Variants in NTRK3 observed in about 807,000 individuals in gnomAD.
NTRK3 encodes the protein neurotrophic receptor tyrosine kinase 3.
NTRK3 carries 24 observed loss-of-function variants against 91.7 expected under a neutral mutation model. The ratio of observed to expected loss-of-function variants is 0.26; its 90% CI spans 0.19 to 0.37. NTRK3 has a LOEUF of 0.37. Ranked by LOEUF, NTRK3 falls within the 10% of genes least tolerant of loss-of-function variation. The pLI is 1.00. For missense variants in NTRK3, 880 were observed against 1,068.9 expected (o/e 0.82, Z 2.46); for synonymous variants, 483 against 404.0 (o/e 1.20, Z -2.34).
At chr15:88,102,323 C>CA (rs1423930058) in intron 13 of NTRK3, among the ~76,000 whole-genome samples, 5 of 151,574 alleles carry the variant, frequency 3.3e-5, no homozygotes, top group African/African-American at 1.2e-4. Flanking sequence ...TTAGTTATAC[C>CA]AAAAAAACAC....
At chr15:88,004,089 G>T (rs1156264201) in intron 14 of NTRK3, among the ~76,000 whole-genome samples, 1 of 152,068 alleles carries the variant, frequency 6.6e-6, no homozygotes, top group Non-Finnish European at 1.5e-5. Context: ...TTGATTCTAG[G>T]CTTTCCCTTA....
chr15:87,862,310 T>C, exon 19 of NTRK3: 1 of 224,544 alleles, frequency 4.5e-6, no homozygotes, highest in Middle Eastern at 1.4e-3. Flanking sequence ...GATCTGGCTC[T>C]GTCCTACTTT....
chr15:87,886,697 T>TATATATATATATATATATATATATATAC (rs1335887821), intron 17 of NTRK3, among the ~76,000 whole-genome samples: 22 of 135,860 alleles, frequency 1.6e-4, no homozygotes, highest in African/African-American at 5.2e-4. Flanking sequence ...TATATATATA[T>TATATATATATATATATATATATATATAC]ATACATATAT....
In NTRK3 at chr15:88,130,928, G is replaced by A. The variant is rs141307203; in HGVS notation, c.1205-2194C>T. 6.1e-3 allele frequency among the ~76,000 whole-genome samples: 924 copies of A among 152,302 alleles called. 13 individuals are homozygous for A. Among genetic ancestry groups the A allele is most frequent in the African/African-American group, 0.021 (879 of 41,558 alleles). On this transcript the variant is annotated intron_variant, in intron 10 of 18. Coordinates refer to ENST00000394480, the Ensembl canonical transcript of NTRK3. ...ACAACCTGGTTTCGATCATTGCATC[G>A]TGGTTAGGTAAGATGTTAACATCTG...
intron 13 of NTRK3, among the ~76,000 whole-genome samples, chr15:88,117,302 C>A (rs2052202237): frequency 6.6e-6 from 1 of 152,144 alleles, no homozygotes; most frequent in Admixed American, 6.5e-5. Context: ...CCTATGAAGT[C>A]TCTATATTTG....
intron 5 of NTRK3, among the ~76,000 whole-genome samples, chr15:88,152,031 T>C (rs2043427336): frequency 6.6e-6 from 1 of 152,200 alleles, no homozygotes; most frequent in Non-Finnish European, 1.5e-5. Context: ...CCGGGCGCCG[T>C]GGCTCACACC....
At chr15:88,075,707 G>A (rs776626088) in intron 13 of NTRK3, among the ~76,000 whole-genome samples, 7 of 152,208 alleles carry the variant, frequency 4.6e-5, no homozygotes, top group African/African-American at 1.2e-4. Flanking sequence ...CTCTTGCTTC[G>A]GTTCCATGAT....
intron 13 of NTRK3, among the ~76,000 whole-genome samples, chr15:88,065,721 C>T (rs1227663197): frequency 6.6e-6 from 1 of 152,182 alleles, no homozygotes; most frequent in Admixed American, 6.5e-5. Flanking sequence ...ATGGGAACCT[C>T]TCTTATGTAC....
At chr15:87,966,116 C>T (rs1038173602) in intron 14 of NTRK3, among the ~76,000 whole-genome samples, 2 of 150,904 alleles carry the variant, frequency 1.3e-5, no homozygotes, top group African/African-American at 2.4e-5. Context: ...ACAAAAAACT[C>T]CACTTGGGAA....
At chr15:87,950,928 G>A (rs776910347) in intron 14 of NTRK3, among the ~76,000 whole-genome samples, 1 of 152,200 alleles carries the variant, frequency 6.6e-6, no homozygotes, top group African/African-American at 2.4e-5. Flanking sequence ...CACAGTAGGT[G>A]CTCAATAGGC....
chr15:88,095,977 C>G (rs1406089464), intron 13 of NTRK3, among the ~76,000 whole-genome samples: 1 of 152,190 alleles, frequency 6.6e-6, no homozygotes. Flanking sequence ...AGCAGCCCAG[C>G]ATTCATTCCC....
chr15:87,978,964 C>A, intron 14 of NTRK3: 1 of 351,198 alleles, frequency 2.8e-6, no homozygotes. Context: ...GAGGCTGGAG[C>A]ACGGCTGGAC....
intron 13 of NTRK3, among the ~76,000 whole-genome samples, chr15:88,122,695 C>G (rs965677885): frequency 2.6e-5 from 4 of 151,978 alleles, no homozygotes; most frequent in Non-Finnish European, 5.9e-5. Context: ...GTAGGCCCTC[C>G]CTATCGATAC....
At chr15:87,914,184 T>C (rs1485966181) in intron 17 of NTRK3, among the ~76,000 whole-genome samples, 2 of 152,096 alleles carry the variant, frequency 1.3e-5, no homozygotes, top group African/African-American at 4.8e-5. Flanking sequence ...ACTAGCTCAC[T>C]GAGAACAAAT....
At chr15:88,091,245 T>A (rs1255229508) in intron 13 of NTRK3, among the ~76,000 whole-genome samples, 1 of 152,132 alleles carries the variant, frequency 6.6e-6, no homozygotes, top group African/African-American at 2.4e-5. Context: ...CCAGCAAAAA[T>A]GCTGGGAATT....
chr15:87,952,045 T>C (rs1168840978), intron 14 of NTRK3, among the ~76,000 whole-genome samples: 1 of 152,050 alleles, frequency 6.6e-6, no homozygotes, highest in Admixed American at 6.6e-5. Context: ...GAGAATCGCT[T>C]GAACTTGGGA....
intron 13 of NTRK3, among the ~76,000 whole-genome samples, chr15:88,101,475 T>G (rs1001192015): frequency 2.9e-4 from 44 of 152,362 alleles, no homozygotes; most frequent in African/African-American, 9.6e-4. Context: ...CTCAGGAATC[T>G]AGAACTAGAA....
rs2052260564 is a variant in NTRK3, at chr15:88,240,659, A to G, written c.248+15247T>C. On this transcript the variant is annotated intron_variant, in intron 3 of 18. Coordinates refer to ENST00000394480, the Ensembl canonical transcript of NTRK3. This position sits in a 1 kb window ranked among gnomAD's most constrained non-coding sequence, Gnocchi z 4.9. ...CTAGCAGAACCACCTAGGGCAAGCT[A>G]CTTAGCCACCCTGTGCCTCAGTTTT... 6.6e-6 allele frequency among the ~76,000 whole-genome samples: 1 copy of G among 152,190 alleles called. No homozygotes were observed. Among genetic ancestry groups the G allele is most frequent in the African/African-American group, 2.4e-5 (1 of 41,450 alleles).
intron 14 of NTRK3, among the ~76,000 whole-genome samples, chr15:87,980,122 C>A (rs970635968): frequency 5.9e-5 from 9 of 152,272 alleles, no homozygotes; most frequent in African/African-American, 2.2e-4. Context: ...GAGGAAAATA[C>A]CCTGGAGGAG....
Sources: allele counts gnomAD v4.1 joint callset (sites outside exome capture counted in the v4.1 genomes callset), GRCh38; gene constraint gnomAD v4.1.1; non-coding constraint Gnocchi (gnomAD v3.1); transcripts MANE v1.5; gene names NCBI Gene and HGNC (gene_info 2026-07-23, HGNC 2026-07-21).